The following N4BP1 variants were observed in gnomAD, a reference collection of about 807,000 sequenced individuals.
The protein encoded by N4BP1 is NEDD4-binding protein 1.
Under a neutral mutation model 70.9 loss-of-function variants are expected in N4BP1, and 21 were observed. That is an observed-to-expected ratio of 0.30 (90% CI 0.21 to 0.43). The LOEUF (loss-of-function observed/expected upper bound fraction) is 0.43, where lower values mean the gene tolerates loss of function less well. N4BP1 is among the 20% of genes least tolerant of loss of function. N4BP1 has a pLI of 1.00. For missense variants in N4BP1, 936 were observed against 1,069.4 expected (o/e 0.88, Z 1.74); for synonymous variants, 387 against 394.6 (o/e 0.98, Z 0.23).
intron 1 of N4BP1, among the ~76,000 whole-genome samples, chr16:48,608,185 T>C (rs1964613342): frequency 6.6e-6 from 1 of 152,194 alleles, no homozygotes; most frequent in African/African-American, 2.4e-5. Context: ...TTTCCGATTC[T>C]CAAGAACACG....
At chr16:48,556,491 T>C (rs760945853) in intron 2 of N4BP1, among the ~76,000 whole-genome samples, 5 of 152,202 alleles carry the variant, frequency 3.3e-5, no homozygotes, top group South Asian at 2.1e-4. Flanking sequence ...TTGCTACTTA[T>C]GGGAAGGCCA....
At chr16:48,557,233 A>G (rs1963767846) in intron 2 of N4BP1, among the ~76,000 whole-genome samples, 2 of 152,214 alleles carry the variant, frequency 1.3e-5, no homozygotes, top group African/African-American at 2.4e-5. Flanking sequence ...TAAGGACCAA[A>G]TAAGTACTTC....
At chr16:48,548,654 C>G (rs1963622491) in intron 4 of N4BP1, among the ~76,000 whole-genome samples, 1 of 152,006 alleles carries the variant, frequency 6.6e-6, no homozygotes. Context: ...TGAGACCAGT[C>G]TGGGCAACAT....
At chr16:48,601,029 G>C (rs188083377) in intron 1 of N4BP1, among the ~76,000 whole-genome samples, 12 of 152,166 alleles carry the variant, frequency 7.9e-5, no homozygotes, top group African/African-American at 2.7e-4. Flanking sequence ...TAATGTTATG[G>C]AAAGGGGGAT....
At chr16:48,601,205 G>A (rs1221305346) in intron 1 of N4BP1, among the ~76,000 whole-genome samples, 3 of 152,232 alleles carry the variant, frequency 2.0e-5, no homozygotes, top group African/African-American at 2.4e-5. Context: ...ATAGGCAGTC[G>A]TGGATGTTGG....
At chr16:48,560,670 T>A in intron 2 of N4BP1, 84 bp downstream of exon 2, 1 of 1,494,942 alleles carries the variant, frequency 6.7e-7, no homozygotes, top group Non-Finnish European at 9.0e-7. Flanking sequence ...ACAACATGTA[T>A]GTATAGTTCC....
rs1195155665 is a variant in N4BP1 at position 48,561,313 on chromosome 16, G to T, written c.1330C>A (p.Gln444Lys). ...TTAGCTTCCACTTTGAATGGTAACT[G>T]AGAAAATTTTTCTACCATATTTTGC... ...TQQNMVEKFS[Q>K]LPFKVEAKPC... The change falls in exon 2 of 7, where the codon CAG becomes AAG. Residue 444 changes from glutamine to lysine, a missense_variant. Gln to Lys is a moderately conservative substitution (Grantham distance 53). Transcript: ENST00000262384. The T allele has an allele frequency of 3.7e-6, 6 of 1,613,716 alleles. No homozygotes were observed. The highest frequency in any genetic ancestry group is 5.1e-6 in the Non-Finnish European group (6 of 1,179,756).
intron 1 of N4BP1, among the ~76,000 whole-genome samples, chr16:48,569,643 G>A (rs1963988198): frequency 6.6e-6 from 1 of 152,128 alleles, no homozygotes; most frequent in Non-Finnish European, 1.5e-5. Flanking sequence ...CAATCCACCT[G>A]CCTTGGCCTC....
intron 2 of N4BP1, among the ~76,000 whole-genome samples, chr16:48,554,923 CCCT>C (rs1383773013): frequency 6.6e-6 from 1 of 152,178 alleles, no homozygotes. Flanking sequence ...CTTCCAGGAC[CCCT>C]CCTCGTCTGA....
chr16:48,562,874 A>G (rs1963881587), intron 1 of N4BP1, among the ~76,000 whole-genome samples: 1 of 152,202 alleles, frequency 6.6e-6, no homozygotes. Flanking sequence ...GACTTTTGCT[A>G]CTATTACCCT....
chr16:48,609,791 G>T lies in N4BP1; in HGVS notation c.182C>A (p.Ala61Glu), dbSNP rs1423344551. 4 of 1,461,252 alleles carry T rather than the reference G, an allele frequency of 2.7e-6. No individual in the cohort carries two copies. Among genetic ancestry groups the T allele is most frequent in the Non-Finnish European group, 2.7e-6 (3 of 1,109,840 alleles). 90.5% of individuals were successfully genotyped at this position (1,461,252 alleles called of 1,614,324 possible). A position where few individuals can be genotyped will look rare whatever the true frequency, so the allele number is the denominator to read the frequency against. Residue 61 changes from alanine to glutamate, a missense_variant, in exon 1 of 7, where the codon GCG becomes GAG. Ala to Glu is a moderately radical substitution (Grantham distance 107). Transcript: ENST00000262384. ...IWLQLCGAQE[A>E]VHSAKEYIKG... ...CGGACTCACCTTGGCGCTGTGCACC[G>T]CCTCCTGCGCCCCGCAGAGCTGCAG...
rs1488195708 is a variant in N4BP1, at chr16:48,553,591, G to A, written c.1968C>T (p.Asn656=). The A allele has an allele frequency of 6.2e-7, 1 of 1,608,708 alleles. No homozygotes were observed. Among genetic ancestry groups the A allele is most frequent in the Non-Finnish European group, 8.5e-7 (1 of 1,177,822 alleles). The change falls in exon 3 of 7, where the codon AAC becomes AAT. Residue 656 remains asparagine, a synonymous_variant. Transcript: ENST00000262384. The stretch of plus-strand genomic sequence containing the variant: ...TCCACTGAGGGACAAATACAGTGAT[G>A]TTTCTGTTGCCAAGCTTCCAAAAAT... ...VEYFWKLGNR[N]ITVFVPQWRT...
chr16:48,548,238 C>T, intron 4 of N4BP1, 124 bp from the exon 5 acceptor site: 1 of 652,020 alleles, frequency 1.5e-6, no homozygotes, highest in South Asian at 2.0e-5. Context: ...CAAGGCTAGG[C>T]CACAGAAAAG....
At chr16:48,564,331 T>C (rs1963907129) in intron 1 of N4BP1, among the ~76,000 whole-genome samples, 1 of 152,224 alleles carries the variant, frequency 6.6e-6, no homozygotes. Context: ...TGATCCATTT[T>C]TAGTACATTT....
chr16:48,608,582 T>C (rs1964622519), intron 1 of N4BP1, among the ~76,000 whole-genome samples: 1 of 151,882 alleles, frequency 6.6e-6, no homozygotes, highest in South Asian at 2.1e-4. Context: ...GCTGCCCTAC[T>C]TAGGAGATGG....
rs1269904524 is a variant in N4BP1, at chr16:48,539,834, G to A, written c.*3070C>T. The A allele has an allele frequency of 1.3e-5, 2 of 152,570 alleles. No homozygotes were observed. The highest frequency in any genetic ancestry group is 2.1e-4 in the South Asian group (1 of 4,844). The allele number at this position is 152,570 out of a possible 1,614,324, so 9.5% of individuals were successfully genotyped here. A position where few individuals can be genotyped will look rare whatever the true frequency, so the allele number is the denominator to read the frequency against. Reference sequence around the variant, plus strand: ...TGAGGGAGGTCTGGGAGTGAGGGAAGTGGTGGGAAGCAGGGAAAGTCCGGT... The same window carrying A: ...TGAGGGAGGTCTGGGAGTGAGGGAAATGGTGGGAAGCAGGGAAAGTCCGGT... On this transcript the variant is annotated 3_prime_UTR_variant, in exon 7 of 7. Coordinates refer to ENST00000262384, the MANE Select transcript of N4BP1 (RefSeq NM_153029.4).
chr16:48,589,344 G>A (rs539805800), intron 1 of N4BP1, among the ~76,000 whole-genome samples: 2 of 152,228 alleles, frequency 1.3e-5, no homozygotes, highest in South Asian at 2.1e-4. Flanking sequence ...TCTCGGGAAG[G>A]GAGAGGGGCT....
chr16:48,568,356 A>G (rs1343825337), intron 1 of N4BP1, among the ~76,000 whole-genome samples: 3 of 152,178 alleles, frequency 2.0e-5, no homozygotes, highest in Non-Finnish European at 4.4e-5. Flanking sequence ...CATACATTAT[A>G]TTTACATGCA....
chr16:48,552,175 A>G (rs1255265004), intron 3 of N4BP1, among the ~76,000 whole-genome samples: 1 of 152,130 alleles, frequency 6.6e-6, no homozygotes, highest in Admixed American at 6.5e-5. Flanking sequence ...AGTCTGTTGA[A>G]GCCTCCTCCT....
Sources: allele counts gnomAD v4.1 joint callset (sites outside exome capture counted in the v4.1 genomes callset), GRCh38; gene constraint gnomAD v4.1.1; transcripts MANE v1.5; gene names NCBI Gene and HGNC (gene_info 2026-07-23, HGNC 2026-07-21).